TMEM123: variants seen among roughly 807,000 people sequenced by gnomAD.
TMEM123 encodes the protein porimin.
TMEM123 carries 16 observed loss-of-function variants against 19.7 expected under a neutral mutation model. The ratio of observed to expected loss-of-function variants is 0.81; its 90% CI spans 0.55 to 1.23. The LOEUF (loss-of-function observed/expected upper bound fraction) is 1.23, where lower values mean the gene tolerates loss of function less well. Among genes scored for constraint, TMEM123 ranks in the 50% most tolerant of loss-of-function variants. TMEM123 has a pLI of 0.00. For synonymous variants in TMEM123, 118 were observed against 99.4 expected (o/e 1.19, Z -1.12); for missense variants, 313 against 257.8 (o/e 1.21, Z -1.47).
intron 2 of TMEM123, among the ~76,000 whole-genome samples, chr11:102,434,535 G>A (rs1479348197): frequency 6.6e-6 from 1 of 151,820 alleles, no homozygotes; most frequent in Non-Finnish European, 1.5e-5. Flanking sequence ...CTCCCAATCT[G>A]TATGATGTCT....
chr11:102,408,885 G>A (rs1455341096), intron 2 of TMEM123, among the ~76,000 whole-genome samples: 1 of 152,166 alleles, frequency 6.6e-6, no homozygotes, highest in East Asian at 1.9e-4. Context: ...ATTGCAACAA[G>A]GCCAAGGACA....
intron 1 of TMEM123, among the ~76,000 whole-genome samples, chr11:102,451,898 G>C (rs966440908): frequency 6.6e-6 from 1 of 152,222 alleles, no homozygotes; most frequent in South Asian, 2.1e-4. Context: ...TATGGCACAC[G>C]AGGGGTGGAG....
intron 2 of TMEM123, among the ~76,000 whole-genome samples, chr11:102,416,032 G>A (rs1031326708): frequency 8.6e-5 from 13 of 151,768 alleles, no homozygotes; most frequent in Admixed American, 5.3e-4. Flanking sequence ...CTCCTGCCTC[G>A]GCCTCCCAAG....
intron 2 of TMEM123, among the ~76,000 whole-genome samples, chr11:102,447,617 A>G (rs1471816839): frequency 6.6e-6 from 1 of 152,252 alleles, no homozygotes; most frequent in African/African-American, 2.4e-5. Context: ...AATAAAGGAC[A>G]AAAGGAAAAG....
chr11:102,419,067 T>C (rs1050448696), intron 2 of TMEM123, among the ~76,000 whole-genome samples: 1 of 152,132 alleles, frequency 6.6e-6, no homozygotes, highest in Non-Finnish European at 1.5e-5. Flanking sequence ...AGTACTACGC[T>C]CATTACCTGC....
chr11:102,403,273 G>A lies in TMEM123; in HGVS notation c.158-1067C>T, dbSNP rs547653874. Among the ~76,000 whole-genome samples the A allele has an allele frequency of 4.6e-5, 7 of 152,322 alleles. 1 individual carries two copies. In the South Asian group the frequency reaches 1.4e-3, roughly 32 times the overall value. On this transcript the variant is annotated intron_variant, in intron 2 of 4. Coordinates refer to ENST00000398136, the MANE Select transcript of TMEM123 (RefSeq NM_052932.3). The stretch of plus-strand genomic sequence containing the variant: ...GATCTGCTCGCCTCAGCTTCCCCAA[G>A]TGCTGGGATCACAGGCATGAGCCAC...
chr11:102,430,508 C>G (rs1412413806), intron 2 of TMEM123, among the ~76,000 whole-genome samples: 1 of 152,166 alleles, frequency 6.6e-6, no homozygotes, highest in African/African-American at 2.4e-5. Flanking sequence ...CCTGAGGAAA[C>G]AAGCTTGAGC....
In TMEM123 at chr11:102,398,734, T is replaced by TA; in HGVS notation, c.*132dup. The TA allele has an allele frequency of 1.2e-6, 1 of 860,590 alleles. No homozygotes were observed. The highest frequency in any genetic ancestry group is 1.8e-6 in the Non-Finnish European group (1 of 549,552). The allele number at this position is 860,590 out of a possible 1,614,324, so 53.3% of individuals were successfully genotyped here. On this transcript the variant is annotated 3_prime_UTR_variant, in exon 5 of 5. Transcript: ENST00000398136. ...GAAGAATCTTTACATATTTACGTAA[T>TA]ACACTGTACATTATATGCATGGCCT...
At chr11:102,439,825 T>C (rs1725552134) in intron 2 of TMEM123, among the ~76,000 whole-genome samples, 1 of 152,168 alleles carries the variant, frequency 6.6e-6, no homozygotes, top group Non-Finnish European at 1.5e-5. Flanking sequence ...GACAAATGGC[T>C]AACTAGAATA....
chr11:102,442,231 T>G (rs934139596), intron 2 of TMEM123, among the ~76,000 whole-genome samples: 5 of 152,242 alleles, frequency 3.3e-5, no homozygotes, highest in Admixed American at 2.0e-4. Context: ...TACCAAAGCC[T>G]GGCAGAGACA....
chr11:102,424,112 G>T (rs1350884407), intron 2 of TMEM123, among the ~76,000 whole-genome samples: 1 of 152,070 alleles, frequency 6.6e-6, no homozygotes, highest in Admixed American at 6.5e-5. Flanking sequence ...ATTAGAGGGA[G>T]GCATAATGCC....
chr11:102,435,198 C>T (rs1166650841), intron 2 of TMEM123, among the ~76,000 whole-genome samples: 1 of 151,768 alleles, frequency 6.6e-6, no homozygotes, highest in African/African-American at 2.4e-5. Context: ...AATAATTTTC[C>T]ACTAGAACCT....
intron 2 of TMEM123, among the ~76,000 whole-genome samples, chr11:102,418,143 T>C (rs961688749): frequency 2.0e-5 from 3 of 150,434 alleles, no homozygotes; most frequent in Non-Finnish European, 4.4e-5. Flanking sequence ...AAAGCTTTCA[T>C]GACAGAGACA....
intron 1 of TMEM123, among the ~76,000 whole-genome samples, chr11:102,450,804 G>C (rs1005543595): frequency 6.6e-6 from 1 of 152,208 alleles, no homozygotes; most frequent in Non-Finnish European, 1.5e-5. Context: ...TTAGCATAGC[G>C]TGGGATGCAC....
intron 4 of TMEM123, 45 bp from the exon 5 acceptor site, chr11:102,398,936 G>A (rs1454703143): frequency 2.0e-6 from 3 of 1,532,182 alleles, no homozygotes; most frequent in Non-Finnish European, 2.7e-6. Flanking sequence ...TGTTTTTTCT[G>A]TCAAAACTAC....
At chr11:102,427,666 G>A (rs917161092) in intron 2 of TMEM123, among the ~76,000 whole-genome samples, 1 of 151,520 alleles carries the variant, frequency 6.6e-6, no homozygotes, top group Admixed American at 6.6e-5. Flanking sequence ...GTGAAACCCT[G>A]TCTCTACTAA....
rs772455512 is a variant in TMEM123, at chr11:102,401,596, A to G, written c.545T>C (p.Ile182Thr). 1.2e-6 allele frequency: 2 copies of G among 1,604,112 alleles called. No homozygotes were observed. Among genetic ancestry groups the G allele is most frequent in the South Asian group, 1.1e-5 (1 of 88,230 alleles). The change falls in exon 4 of 5, where the codon ATT (isoleucine) becomes ACT (threonine). Residue 182 changes from isoleucine (I) to threonine (T), a missense_variant. By Grantham distance (89) the Ile-to-Thr change is moderately conservative. Coordinates refer to ENST00000398136, the MANE Select transcript of TMEM123 (RefSeq NM_052932.3). ...ATACATTTTGCATCCAATGTAAAGAATAGATAAAACTCCCAGCGTTAATAC... is the reference window on the plus strand; with the variant it reads ...ATACATTTTGCATCCAATGTAAAGAGTAGATAAAACTCCCAGCGTTAATAC... ...GIVLTLGVLS[I>T]LYIGCKMYYS...
At chr11:102,406,868 CAAAA>C (rs61413300) in intron 2 of TMEM123, among the ~76,000 whole-genome samples, 6 of 86,286 alleles carry the variant, frequency 7.0e-5, no homozygotes, top group Admixed American at 1.3e-4. Context: ...GAGGCTCCGT[CAAAA>C]AAAAAAAAAA....
chr11:102,425,288 C>G (rs1216283417), intron 2 of TMEM123, among the ~76,000 whole-genome samples: 1 of 152,174 alleles, frequency 6.6e-6, no homozygotes, highest in African/African-American at 2.4e-5. Flanking sequence ...ACACCTTGAA[C>G]AACAACGCTT....
Sources: gnomAD v4.1 joint callset for allele counts (sites outside exome capture counted in the v4.1 genomes callset) on GRCh38, gnomAD v4.1.1 for gene constraint, MANE v1.5 for transcripts, NCBI Gene and HGNC (gene_info 2026-07-23, HGNC 2026-07-21) for gene names.